The following SPMIP3 variants were observed in gnomAD, a reference collection of about 807,000 sequenced individuals.
SPMIP3 encodes the protein sperm microtubule inner protein 3.
At chr1:244,389,367 G>A in the SPMIP3 span, 1 of 183,468 alleles carries the variant, frequency 5.5e-6, no homozygotes, top group Non-Finnish European at 1.1e-5. Flanking sequence ...CATTGTGTCT[G>A]CACAATAATT....
At chr1:244,357,562 A>C in the SPMIP3 span, among the ~76,000 whole-genome samples, 32 of 151,980 alleles carry the variant, frequency 2.1e-4, no homozygotes, top group Non-Finnish European at 3.5e-4. Flanking sequence ...TACAAAAATT[A>C]GGCGAGCGTG....
the SPMIP3 span, among the ~76,000 whole-genome samples, chr1:244,357,172 T>G: frequency 2.6e-5 from 4 of 152,018 alleles, no homozygotes; most frequent in African/African-American, 9.6e-5. Context: ...TCCACCCACT[T>G]TGGCCTCCCA....
the SPMIP3 span, among the ~76,000 whole-genome samples, chr1:244,383,823 G>C: frequency 6.6e-6 from 1 of 152,174 alleles, no homozygotes; most frequent in African/African-American, 2.4e-5. Context: ...TGGGAAGAAA[G>C]ACCAGAGTAT....
At chr1:244,361,597 C>A in the SPMIP3 span, among the ~76,000 whole-genome samples, 11 of 145,334 alleles carry the variant, frequency 7.6e-5, no homozygotes, top group African/African-American at 3.1e-4. Flanking sequence ...ATGATAAATT[C>A]TTGAGGTGAT....
the SPMIP3 span, among the ~76,000 whole-genome samples, chr1:244,386,949 A>G: frequency 6.6e-6 from 1 of 152,250 alleles, no homozygotes; most frequent in African/African-American, 2.4e-5. Flanking sequence ...TGTACAACTG[A>G]GAATTACTCT....
At chr1:244,359,501 C>G in the SPMIP3 span, among the ~76,000 whole-genome samples, 2 of 152,136 alleles carry the variant, frequency 1.3e-5, no homozygotes, top group Non-Finnish European at 2.9e-5. Flanking sequence ...GTGGGCAGAT[C>G]ACCTGAGGGC....
chr1:244,369,423 C>T, the SPMIP3 span, among the ~76,000 whole-genome samples: 1 of 152,216 alleles, frequency 6.6e-6, no homozygotes, highest in African/African-American at 2.4e-5. Flanking sequence ...GTCAGCCCAT[C>T]CTGCGTGGGA....
the SPMIP3 span, chr1:244,364,665 T>C: frequency 1.1e-5 from 17 of 1,593,878 alleles, no homozygotes; most frequent in Non-Finnish European, 1.5e-5. Context: ...AATATAATCC[T>C]TTATGCCATA....
the SPMIP3 span, among the ~76,000 whole-genome samples, chr1:244,377,184 T>G: frequency 8.6e-5 from 13 of 150,990 alleles, no homozygotes; most frequent in East Asian, 1.8e-3. Flanking sequence ...TGCAGTGGCG[T>G]GATCTCAGCT....
At chr1:244,373,023 T>C in the SPMIP3 span, among the ~76,000 whole-genome samples, 1 of 152,036 alleles carries the variant, frequency 6.6e-6, no homozygotes, top group Non-Finnish European at 1.5e-5. Flanking sequence ...CTTCGTCATG[T>C]CCCACATAAA....
the SPMIP3 span, among the ~76,000 whole-genome samples, chr1:244,381,240 G>A: frequency 6.6e-6 from 1 of 152,032 alleles, no homozygotes; most frequent in Non-Finnish European, 1.5e-5. Flanking sequence ...ATGGGGTTCC[G>A]GTCCCCACAG....
the SPMIP3 span, among the ~76,000 whole-genome samples, chr1:244,380,865 G>A: frequency 6.6e-6 from 1 of 152,038 alleles, no homozygotes; most frequent in East Asian, 1.9e-4. Context: ...GTTGAGCCAG[G>A]GGTAGGGGTG....
chr1:244,358,067 G>A, the SPMIP3 span, among the ~76,000 whole-genome samples: 147 of 151,222 alleles, frequency 9.7e-4, 7 homozygotes, highest in South Asian at 0.028. Context: ...TACTAAAAAC[G>A]AAAATAAAAA....
At chr1:244,376,227 G>A in the SPMIP3 span, among the ~76,000 whole-genome samples, 7 of 152,116 alleles carry the variant, frequency 4.6e-5, no homozygotes, top group Admixed American at 1.3e-4. Flanking sequence ...TTTTCTGAAC[G>A]TCAGGCACAG....
At chr1:244,385,999 A>G in the SPMIP3 span, among the ~76,000 whole-genome samples, 1 of 109,598 alleles carries the variant, frequency 9.1e-6, no homozygotes, top group Non-Finnish European at 1.8e-5. Flanking sequence ...CCCCATCTCT[A>G]CAAAACACAC....
chr1:244,362,186 G>A, the SPMIP3 span, among the ~76,000 whole-genome samples: 4 of 152,178 alleles, frequency 2.6e-5, no homozygotes, highest in African/African-American at 9.7e-5. Context: ...CAGGCAATGA[G>A]TTAACCGTTG....
At chr1:244,371,448 C>A in the SPMIP3 span, among the ~76,000 whole-genome samples, 2 of 152,338 alleles carry the variant, frequency 1.3e-5, no homozygotes, top group East Asian at 3.9e-4. Flanking sequence ...TCCACCCAGC[C>A]ATCCCTCTCT....
At chr1:244,361,698 A>C in the SPMIP3 span, among the ~76,000 whole-genome samples, 1 of 152,272 alleles carries the variant, frequency 6.6e-6, no homozygotes, top group East Asian at 1.9e-4. Flanking sequence ...CATCTCTTAT[A>C]TATCTATAAT....
At chr1:244,379,060 C>T in the SPMIP3 span, among the ~76,000 whole-genome samples, 2 of 152,082 alleles carry the variant, frequency 1.3e-5, no homozygotes, top group African/African-American at 4.8e-5. Context: ...TCCTGAGTAG[C>T]TGGGACTACA....
Sources: allele counts gnomAD v4.1 joint callset (sites outside exome capture counted in the v4.1 genomes callset), GRCh38; gene constraint gnomAD v4.1.1; transcripts MANE v1.5; gene names NCBI Gene and HGNC (gene_info 2026-07-23, HGNC 2026-07-21).